Variants in TUSC3 observed in about 807,000 individuals in gnomAD.
The protein encoded by TUSC3 is dolichyl-diphosphooligosaccharide--protein glycosyltransferase subunit TUSC3.
A neutral mutation model predicts 44.8 loss-of-function variants in TUSC3; 45 were observed. The ratio of observed to expected loss-of-function variants is 1.00; its 90% CI spans 0.79 to 1.29. TUSC3 has a LOEUF of 1.29. Among genes scored for constraint, TUSC3 ranks in the 50% most tolerant of loss-of-function variants. TUSC3 has a pLI of 0.00. For synonymous variants in TUSC3, 212 were observed against 152.9 expected, an observed-to-expected ratio of 1.39 and a Z score of -2.85; for missense variants, 519 against 437.9, an observed-to-expected ratio of 1.19 and a Z score of -1.65.
chr8:15,756,295 A>C (rs1300309000), intron 9 of TUSC3, among the ~76,000 whole-genome samples: 4 of 152,136 alleles, frequency 2.6e-5, no homozygotes, highest in African/African-American at 4.8e-5. Context: ...AACTTGGTTA[A>C]GCCTGTTTCT....
intron 1 of TUSC3, among the ~76,000 whole-genome samples, chr8:15,610,908 C>G (rs1804735265): frequency 6.6e-6 from 1 of 152,106 alleles, no homozygotes; most frequent in Non-Finnish European, 1.5e-5. Context: ...GGTTGATAGA[C>G]ACATAACTAA....
At chr8:15,418,294 G>A (rs1435586152) in intron 1 of TUSC3, among the ~76,000 whole-genome samples, 2 of 152,148 alleles carry the variant, frequency 1.3e-5, no homozygotes, top group Non-Finnish European at 2.9e-5. Flanking sequence ...TGCACACAAT[G>A]AGTAACGTAA....
intron 6 of TUSC3, among the ~76,000 whole-genome samples, chr8:15,696,766 G>T (rs370393884): frequency 2.0e-5 from 3 of 152,278 alleles, no homozygotes; most frequent in African/African-American, 7.2e-5. Context: ...TTTTGGTTAT[G>T]TCTTTTCCTG....
chr8:15,630,020 T>C (rs1319849441), intron 2 of TUSC3, among the ~76,000 whole-genome samples: 1 of 152,180 alleles, frequency 6.6e-6, no homozygotes, highest in African/African-American at 2.4e-5. Flanking sequence ...CAAACTTTTT[T>C]TTTAAATCAA....
the TUSC3 span, among the ~76,000 whole-genome samples, chr8:15,851,937 A>G: frequency 3.3e-5 from 5 of 152,026 alleles, no homozygotes; most frequent in African/African-American, 4.8e-5. Flanking sequence ...CTGAGACCTG[A>G]TAGTTTTATA....
intron 1 of TUSC3, among the ~76,000 whole-genome samples, chr8:15,469,086 AGATAATGAGCTTCTCAAGC>A (rs1427188923): frequency 2.0e-5 from 3 of 152,178 alleles, no homozygotes; most frequent in Non-Finnish European, 4.4e-5. Flanking sequence ...AATTCCCTGG[AGATAATGAGCTTCTCAAGC>A]GATAATGAAG....
the TUSC3 span, among the ~76,000 whole-genome samples, chr8:15,840,861 CAT>C: frequency 6.6e-6 from 1 of 152,086 alleles, no homozygotes; most frequent in Non-Finnish European, 1.5e-5. Flanking sequence ...AAGTTAATGA[CAT>C]AAACAAGAAG....
chr8:15,594,652 A>G (rs752577753), intron 1 of TUSC3, among the ~76,000 whole-genome samples: 12 of 152,136 alleles, frequency 7.9e-5, no homozygotes, highest in Admixed American at 2.6e-4. Flanking sequence ...AATACTCTAC[A>G]TAATGTCTTA....
chr8:15,471,864 G>A (rs566794617), intron 1 of TUSC3, among the ~76,000 whole-genome samples: 21 of 151,950 alleles, frequency 1.4e-4, no homozygotes, highest in Non-Finnish European at 2.1e-4. Context: ...GTGATCCACC[G>A]ACCCCTGCCT....
At chr8:15,652,623 A>T (rs1806964140) in intron 3 of TUSC3, among the ~76,000 whole-genome samples, 1 of 152,196 alleles carries the variant, frequency 6.6e-6, no homozygotes, top group African/African-American at 2.4e-5. Context: ...GTAATTTCAA[A>T]TAACCTAATA....
At chr8:15,461,746 A>G (rs1359460263) in intron 1 of TUSC3, among the ~76,000 whole-genome samples, 2 of 150,040 alleles carry the variant, frequency 1.3e-5, no homozygotes, top group African/African-American at 4.9e-5. Flanking sequence ...ATCATAAAGG[A>G]AAAAAAAAGA....
intron 1 of TUSC3, among the ~76,000 whole-genome samples, chr8:15,440,396 G>T (rs1800005815): frequency 6.6e-6 from 1 of 152,134 alleles, no homozygotes; most frequent in Non-Finnish European, 1.5e-5. Context: ...GTGTCTTGAG[G>T]ATCTATGCAG....
chr8:15,479,075 GTCT>G (rs767502932), intron 1 of TUSC3, among the ~76,000 whole-genome samples: 1 of 152,140 alleles, frequency 6.6e-6, no homozygotes, highest in African/African-American at 2.4e-5. Context: ...CCTCATAAAT[GTCT>G]TCTTCTGAGA....
intron 2 of TUSC3, among the ~76,000 whole-genome samples, chr8:15,515,695 T>A (rs1437986179): frequency 2.6e-5 from 4 of 151,846 alleles, no homozygotes; most frequent in African/African-American, 9.7e-5. Flanking sequence ...TGAGACGGAG[T>A]CTCACTCTGT....
At chr8:15,581,961 A>T (rs1426016305) in intron 1 of TUSC3, among the ~76,000 whole-genome samples, 1 of 150,612 alleles carries the variant, frequency 6.6e-6, no homozygotes, top group African/African-American at 2.5e-5. Context: ...AGTCAGCGAG[A>T]TTCCGTGGGC....
At chr8:15,798,925 T>C in the TUSC3 span, among the ~76,000 whole-genome samples, 604 of 152,324 alleles carry the variant, frequency 4.0e-3, 4 homozygotes, top group African/African-American at 0.014. Context: ...CTAAATTTCA[T>C]TGGGTCAATA....
intron 9 of TUSC3, among the ~76,000 whole-genome samples, chr8:15,756,271 C>G (rs552661153): frequency 7.8e-4 from 118 of 152,198 alleles, no homozygotes; most frequent in Admixed American, 3.1e-3. Context: ...CTAGTTACCT[C>G]TCTCTCTATA....
At chr8:15,434,035 C>G (rs901599611) in intron 1 of TUSC3, among the ~76,000 whole-genome samples, 9 of 152,122 alleles carry the variant, frequency 5.9e-5, no homozygotes, top group African/African-American at 2.2e-4. Flanking sequence ...AGAAACTAAA[C>G]AGTTCCTCAA....
chr8:15,775,748 C>CTA, the TUSC3 span, among the ~76,000 whole-genome samples: 3,033 of 138,792 alleles, frequency 0.022, 49 homozygotes, highest in African/African-American at 0.043. Context: ...ATATATTACA[C>CTA]TATATATATA....
Sources: gnomAD v4.1 joint callset for allele counts (sites outside exome capture counted in the v4.1 genomes callset) on GRCh38, gnomAD v4.1.1 for gene constraint, MANE v1.5 for transcripts, NCBI Gene and HGNC (gene_info 2026-07-23, HGNC 2026-07-21) for gene names.